EIF5B: variants seen among roughly 807,000 people sequenced by gnomAD.
EIF5B encodes the protein eukaryotic translation initiation factor 5B, also known as eIF-5B.
A neutral mutation model predicts 147.5 loss-of-function variants in EIF5B; 47 were observed. The ratio of observed to expected loss-of-function variants is 0.32; its 90% CI spans 0.25 to 0.41. The LOEUF is 0.41. EIF5B is among the 10% of genes least tolerant of loss of function. The probability of loss-of-function intolerance (pLI) is 1.00; values close to 1 mark genes in which losing one functional copy is unlikely to be tolerated. For synonymous variants in EIF5B, 455 were observed against 456.2 expected, an observed-to-expected ratio of 1.00 and a Z score of 0.03; for missense variants, 1,064 against 1,413.2, an observed-to-expected ratio of 0.75 and a Z score of 3.96.
chr2:99,388,642 C>A (rs930485705), intron 14 of EIF5B, among the ~76,000 whole-genome samples: 10 of 152,014 alleles, frequency 6.6e-5, no homozygotes, highest in Admixed American at 4.6e-4. Flanking sequence ...GAATGTTAAA[C>A]CAACTTTACA....
At chr2:99,360,877 G>C (rs559898376) in intron 3 of EIF5B, among the ~76,000 whole-genome samples, 1 of 152,164 alleles carries the variant, frequency 6.6e-6, no homozygotes, top group African/African-American at 2.4e-5. Context: ...CTTTCAACTT[G>C]TCCCTTAGGC....
chr2:99,398,499 C>T (rs562065679), intron 22 of EIF5B: 120 of 325,518 alleles, frequency 3.7e-4, no homozygotes, highest in Middle Eastern at 9.3e-4. Context: ...ATTGGGTCAA[C>T]AGGGCACTTG....
chr2:99,352,450 T>G (rs1345090410), intron 1 of EIF5B, among the ~76,000 whole-genome samples: 1 of 151,600 alleles, frequency 6.6e-6, no homozygotes, highest in East Asian at 1.9e-4. Context: ...CCGCTTTGGC[T>G]TCCCAAAGTG....
intron 12 of EIF5B, among the ~76,000 whole-genome samples, chr2:99,381,014 CTT>C (rs1359116733): frequency 1.3e-5 from 2 of 152,118 alleles, no homozygotes. Flanking sequence ...TGAATTTCGT[CTT>C]TTTATAAGGC....
intron 14 of EIF5B, among the ~76,000 whole-genome samples, chr2:99,384,800 A>C (rs1053178890): frequency 1.5e-4 from 23 of 152,236 alleles, no homozygotes; most frequent in Non-Finnish European, 2.9e-4. Flanking sequence ...GAATTGCTGC[A>C]ATCTTAAGTA....
chr2:99,391,572 C>T (rs1266120472), intron 17 of EIF5B, among the ~76,000 whole-genome samples: 2 of 152,198 alleles, frequency 1.3e-5, no homozygotes, highest in African/African-American at 4.8e-5. Context: ...CTCCTACCCC[C>T]TGACCTTTCA....
intron 1 of EIF5B, among the ~76,000 whole-genome samples, chr2:99,358,454 T>A (rs1173540902): frequency 6.6e-6 from 1 of 152,200 alleles, no homozygotes; most frequent in Non-Finnish European, 1.5e-5. Flanking sequence ...TATCTCCGAC[T>A]CGTGTGATCC....
At chr2:99,381,210 G>T (rs530755654) in intron 12 of EIF5B, among the ~76,000 whole-genome samples, 1 of 152,020 alleles carries the variant, frequency 6.6e-6, no homozygotes, top group African/African-American at 2.4e-5. Flanking sequence ...AGAGGAGAGG[G>T]TTCATAACAC....
chr2:99,337,435 G>A lies in EIF5B; in HGVS notation c.-120G>A. 1 of 1,288,154 alleles carries A rather than the reference G, an allele frequency of 7.8e-7. No homozygotes were observed. Among genetic ancestry groups the A allele is most frequent in the East Asian group, 2.5e-5 (1 of 39,732 alleles). The allele number at this position is 1,288,154 out of a possible 1,614,324, so 79.8% of individuals were successfully genotyped here. ...AGTGCGCGGGTCTGTGGAGAGCCGGGTGCGAGCGGCGGCAGCACGAGGGGA... is the reference window on the plus strand; with the variant it reads ...AGTGCGCGGGTCTGTGGAGAGCCGGATGCGAGCGGCGGCAGCACGAGGGGA... On this transcript the variant is annotated 5_prime_UTR_variant, in exon 1 of 24. It adds an upstream start codon to the 5' untranslated region. Coordinates refer to ENST00000289371, the MANE Select transcript of EIF5B (RefSeq NM_015904.4).
At chr2:99,347,395 G>A (rs2094275586) in intron 1 of EIF5B, among the ~76,000 whole-genome samples, 1 of 152,146 alleles carries the variant, frequency 6.6e-6, no homozygotes, top group African/African-American at 2.4e-5. Flanking sequence ...ATGCCACGTT[G>A]TTGAATCTAA....
chr2:99,370,996 G>A (rs570399265), intron 8 of EIF5B: 3 of 152,182 alleles, frequency 2.0e-5, no homozygotes, highest in South Asian at 4.1e-4. Flanking sequence ...TCAAAAAGAA[G>A]ATATATATGA....
chr2:99,383,976 G>A lies in EIF5B; in HGVS notation c.2271+1055G>A, dbSNP rs531067079. 9.9e-5 allele frequency among the ~76,000 whole-genome samples: 15 copies of A among 152,080 alleles called. No individual in the cohort carries two copies. In the South Asian group the frequency reaches 1.9e-3, roughly 19 times the overall value. ...ATTATGCCAAATCCTTTGGGAGGCC[G>A]AGGCGGGCGGATCACGAGGTCAGGA... On this transcript the variant is annotated intron_variant, in intron 14 of 23. Coordinates refer to ENST00000289371, the MANE Select transcript of EIF5B (RefSeq NM_015904.4).
intron 1 of EIF5B, among the ~76,000 whole-genome samples, chr2:99,358,909 T>C (rs923396260): frequency 5.3e-5 from 8 of 152,226 alleles, no homozygotes; most frequent in Non-Finnish European, 1.2e-4. Context: ...CATTAAGTTC[T>C]TTTACTTCAA....
chr2:99,360,443 A>T (rs1313757492), intron 2 of EIF5B, 22 bp from the exon 3 acceptor site: 29 of 1,609,858 alleles, frequency 1.8e-5, no homozygotes, highest in Non-Finnish European at 2.3e-5. Flanking sequence ...GTGCTTCACA[A>T]TGTATTTTAA....
At chr2:99,381,637 G>A (rs1399753565) in intron 12 of EIF5B, among the ~76,000 whole-genome samples, 2 of 151,600 alleles carry the variant, frequency 1.3e-5, no homozygotes, top group Non-Finnish European at 2.9e-5. Context: ...ATTCATTTAT[G>A]TCCTTTTGTC....
chr2:99,379,286 A>G, intron 11 of EIF5B, 32 bp from the exon 12 acceptor site: 4 of 1,565,066 alleles, frequency 2.6e-6, no homozygotes, highest in Non-Finnish European at 3.5e-6. Context: ...TCCATGTTCA[A>G]ATACCAATCT....
intron 13 of EIF5B, among the ~76,000 whole-genome samples, chr2:99,382,550 G>A (rs567877117): frequency 3.9e-5 from 6 of 152,084 alleles, no homozygotes; most frequent in Non-Finnish European, 7.4e-5. Context: ...AGAAAACTTG[G>A]TCAGTAAAAT....
At chr2:99,396,670 A>C in intron 21 of EIF5B, 90 bp from the exon 22 acceptor site, 1 of 1,470,232 alleles carries the variant, frequency 6.8e-7, no homozygotes, top group Non-Finnish European at 9.1e-7. Flanking sequence ...GCTTTCCTCT[A>C]ATGGGAGAAG....
At chr2:99,342,121 C>T (rs1447331628) in intron 1 of EIF5B, among the ~76,000 whole-genome samples, 2 of 152,182 alleles carry the variant, frequency 1.3e-5, no homozygotes, top group South Asian at 2.1e-4. Flanking sequence ...GTTTGACCAT[C>T]GTTCATGTAT....
Sources: allele counts gnomAD v4.1 joint callset (sites outside exome capture counted in the v4.1 genomes callset), GRCh38; gene constraint gnomAD v4.1.1; transcripts MANE v1.5; gene names NCBI Gene and HGNC (gene_info 2026-07-23, HGNC 2026-07-21).